Variants in CNTN4 observed in about 807,000 individuals in gnomAD.
CNTN4 encodes the protein contactin 4, also known as contactin-4.
In CNTN4, 77 loss-of-function variants were observed where a neutral mutation model predicts 122.5. That is an observed-to-expected ratio of 0.63 (90% CI 0.52 to 0.76). The LOEUF is 0.76. CNTN4 is among the 30% of genes least tolerant of loss of function. The probability of loss-of-function intolerance (pLI) is 0.00; values close to 1 mark genes in which losing one functional copy is unlikely to be tolerated. For missense variants in CNTN4, 1,256 were observed against 1,259.1 expected, an observed-to-expected ratio of 1.00 and a Z score of 0.04; for synonymous variants, 512 against 447.0, an observed-to-expected ratio of 1.15 and a Z score of -1.83.
chr3:2,819,265 T>G (rs777471263), intron 6 of CNTN4, among the ~76,000 whole-genome samples: 9 of 152,116 alleles, frequency 5.9e-5, no homozygotes, highest in Non-Finnish European at 1.2e-4. Context: ...TAAATCTAAA[T>G]AGGCACGTGT....
chr3:2,406,127 A>C (rs2047027464), intron 3 of CNTN4, among the ~76,000 whole-genome samples: 1 of 152,048 alleles, frequency 6.6e-6, no homozygotes, highest in Non-Finnish European at 1.5e-5. Flanking sequence ...ATGAAAGTTC[A>C]AAAAAAACAT....
At chr3:2,568,277 T>C (rs2079262988) in intron 3 of CNTN4, among the ~76,000 whole-genome samples, 1 of 148,624 alleles carries the variant, frequency 6.7e-6, no homozygotes, top group African/African-American at 2.5e-5. Context: ...ATGAGAATTG[T>C]TTGAAGGGTT....
chr3:2,345,854 TTTGACCA>T (rs1232951708), intron 3 of CNTN4, among the ~76,000 whole-genome samples: 1 of 152,218 alleles, frequency 6.6e-6, no homozygotes, highest in African/African-American at 2.4e-5. Context: ...GAATTAATCC[TTTGACCA>T]TTATGGCGTG....
intron 2 of CNTN4, among the ~76,000 whole-genome samples, chr3:2,333,089 C>G (rs56018124): frequency 6.6e-6 from 1 of 151,858 alleles, no homozygotes; most frequent in Non-Finnish European, 1.5e-5. Flanking sequence ...TATGTTACAT[C>G]AAGACAACTT....
intron 2 of CNTN4, among the ~76,000 whole-genome samples, chr3:2,137,725 G>A (rs997615295): frequency 2.6e-5 from 4 of 152,140 alleles, no homozygotes; most frequent in African/African-American, 7.2e-5. Flanking sequence ...TGAATTTTTC[G>A]AAAGATTTTG....
chr3:2,196,993 C>G (rs569785338), intron 2 of CNTN4, among the ~76,000 whole-genome samples: 1 of 145,432 alleles, frequency 6.9e-6, no homozygotes. Flanking sequence ...TACGGTGAGC[C>G]GAGATCATGC....
At chr3:3,027,936 C>G (rs971191844) in intron 15 of CNTN4, among the ~76,000 whole-genome samples, 1 of 152,164 alleles carries the variant, frequency 6.6e-6, no homozygotes, top group African/African-American at 2.4e-5. Context: ...TCTATCTCCC[C>G]TGTTAAACTA....
intron 14 of CNTN4, among the ~76,000 whole-genome samples, chr3:2,998,593 A>T (rs933284855): frequency 1.3e-5 from 2 of 152,136 alleles, no homozygotes; most frequent in African/African-American, 4.8e-5. Flanking sequence ...ACTAACTAAG[A>T]GGTAAAGGTG....
intron 2 of CNTN4, among the ~76,000 whole-genome samples, chr3:2,320,536 G>A (rs2043243533): frequency 6.6e-6 from 1 of 152,058 alleles, no homozygotes; most frequent in Non-Finnish European, 1.5e-5. Flanking sequence ...TGTTCTTGTA[G>A]TTGACCTTCA....
chr3:2,238,899 G>T (rs1224686773), intron 2 of CNTN4: 1 of 96,000 alleles, frequency 1.0e-5, no homozygotes. Flanking sequence ...GCTAATTTTT[G>T]TATTTTTAGT....
At chr3:2,668,921 T>C (rs945457790) in intron 4 of CNTN4, among the ~76,000 whole-genome samples, 2 of 152,232 alleles carry the variant, frequency 1.3e-5, no homozygotes, top group African/African-American at 4.8e-5. Flanking sequence ...TGAACCAGCC[T>C]TGCATCATAG....
At position 3,040,044 on chromosome 3, in the gene CNTN4, C is replaced by T. The variant is rs1206695995; in HGVS notation, c.2171C>T (p.Pro724Leu). ...SELVITWETV[P>L]EELQNGRGFG... is the part of the protein sequence containing the mutation. ...ACCTTCCTTCTTTCCCAGACGGTCCCTGAGGAATTACAGAATGGTCGAGGC... is the reference window on the plus strand; with the variant it reads ...ACCTTCCTTCTTTCCCAGACGGTCCTTGAGGAATTACAGAATGGTCGAGGC... Residue 724 changes from proline (P) to leucine (L), a missense_variant, in exon 20 of 25, where the codon CCT (proline) becomes CTT (leucine). Coordinates refer to ENST00000418658, the MANE Select transcript of CNTN4 (RefSeq NM_175607.3). The T allele has an allele frequency of 2.5e-6, 4 of 1,610,010 alleles. No homozygotes were observed. Among genetic ancestry groups the T allele is most frequent in the Non-Finnish European group, 2.6e-6 (3 of 1,176,236 alleles).
intron 3 of CNTN4, among the ~76,000 whole-genome samples, chr3:2,347,484 A>G (rs1411933911): frequency 3.0e-5 from 4 of 135,184 alleles, no homozygotes; most frequent in Admixed American, 1.8e-4. Flanking sequence ...ATCTCGGCTG[A>G]CTGCAACCTC....
intron 2 of CNTN4, among the ~76,000 whole-genome samples, chr3:2,271,551 A>G (rs967997818): frequency 2.0e-5 from 3 of 152,190 alleles, no homozygotes; most frequent in African/African-American, 4.8e-5. Context: ...ATGGATTCAC[A>G]TTTTTAATGT....
At chr3:2,812,954 T>C (rs376865875) in intron 6 of CNTN4, among the ~76,000 whole-genome samples, 7 of 152,354 alleles carry the variant, frequency 4.6e-5, no homozygotes, top group African/African-American at 1.2e-4. Flanking sequence ...CCTCTTGCTA[T>C]ATACTCTCTT....
At chr3:2,875,947 T>C (rs1449049845) in intron 8 of CNTN4, among the ~76,000 whole-genome samples, 2 of 152,196 alleles carry the variant, frequency 1.3e-5, no homozygotes, top group Non-Finnish European at 1.5e-5. Flanking sequence ...ACCAGTACCG[T>C]CCAGCGCAAG....
rs534830853 is a variant in CNTN4 at position 2,244,224 on chromosome 3, ATGTAAATGTGG to A, written c.-144-94952_-144-94942del. ...CATCATACTGTAATAAAAAAAATCT[ATGTAAATGTGG>A]TTTCTCTCTCTGTGTGTCTCTCTGT... On this transcript the variant is annotated intron_variant, in intron 2 of 24. Transcript: ENST00000418658. Among the ~76,000 whole-genome samples, 805 of 149,938 alleles carry A rather than the reference ATGTAAATGTGG, an allele frequency of 5.4e-3. 10 individuals are homozygous for A. Among genetic ancestry groups the A allele is most frequent in the African/African-American group, 0.019 (766 of 41,300 alleles).
intron 2 of CNTN4, among the ~76,000 whole-genome samples, chr3:2,106,746 A>T (rs146023651): frequency 1.3e-5 from 2 of 152,184 alleles, no homozygotes; most frequent in Non-Finnish European, 2.9e-5. Context: ...TACTTCTGCA[A>T]ATTTCTGCAG....
chr3:2,263,015 A>G (rs965757943), intron 2 of CNTN4, among the ~76,000 whole-genome samples: 1 of 152,240 alleles, frequency 6.6e-6, no homozygotes, highest in East Asian at 1.9e-4. Flanking sequence ...GTTGTGGTAC[A>G]ACTGTGCTGG....
Sources: gnomAD v4.1 joint callset for allele counts (sites outside exome capture counted in the v4.1 genomes callset) on GRCh38, gnomAD v4.1.1 for gene constraint, MANE v1.5 for transcripts, NCBI Gene and HGNC (gene_info 2026-07-23, HGNC 2026-07-21) for gene names.